The following VPS41 variants were observed in gnomAD, a reference collection of about 807,000 sequenced individuals.
The protein encoded by VPS41 is vacuolar protein sorting-associated protein 41 homolog.
VPS41 carries 85 observed loss-of-function variants against 130.9 expected under a neutral mutation model. The ratio of observed to expected loss-of-function variants is 0.65; its 90% CI spans 0.55 to 0.78. The LOEUF is 0.78. VPS41 is among the 30% of genes least tolerant of loss of function. The probability of loss-of-function intolerance (pLI) is 0.00; values close to 1 mark genes in which losing one functional copy is unlikely to be tolerated. For missense variants in VPS41, 874 were observed against 1,018.7 expected (o/e 0.86, Z 1.93); for synonymous variants, 335 against 332.9 (o/e 1.01, Z -0.07).
chr7:38,796,611 T>C, intron 8 of VPS41, 134 bp downstream of exon 8: 1 of 1,318,340 alleles, frequency 7.6e-7, no homozygotes, highest in Non-Finnish European at 1.1e-6. Flanking sequence ...CTAGGTATGA[T>C]ACCAATCGTC....
At chr7:38,759,751 C>T (rs1318753287) in intron 17 of VPS41, among the ~76,000 whole-genome samples, 1 of 152,140 alleles carries the variant, frequency 6.6e-6, no homozygotes, top group Non-Finnish European at 1.5e-5. Flanking sequence ...GCTTTAACAG[C>T]TTACAGATAT....
chr7:38,834,273 T>C (rs184127466), intron 4 of VPS41, among the ~76,000 whole-genome samples: 1 of 152,308 alleles, frequency 6.6e-6, no homozygotes, highest in African/African-American at 2.4e-5. Context: ...ACATGGAACA[T>C]TTCTCCATTT....
chr7:38,823,247 TCTTCTGC>T (rs1303465227), intron 5 of VPS41, among the ~76,000 whole-genome samples: 1 of 152,176 alleles, frequency 6.6e-6, no homozygotes, highest in African/African-American at 2.4e-5. Flanking sequence ...GTCCTTTTGC[TCTTCTGC>T]CTTCTGCCAC....
chr7:38,728,924 C>A (rs189091443), intron 25 of VPS41, 133 bp from the exon 26 acceptor site: 71 of 745,818 alleles, frequency 9.5e-5, no homozygotes, highest in Non-Finnish European at 1.2e-4. Context: ...GATTCTCTTG[C>A]CCTCAGTACC....
intron 10 of VPS41, among the ~76,000 whole-genome samples, chr7:38,779,775 T>C (rs1168681224): frequency 6.6e-6 from 1 of 152,234 alleles, no homozygotes; most frequent in South Asian, 2.1e-4. Flanking sequence ...ATTCTTCATA[T>C]AGATTTAGAG....
At chr7:38,757,315 T>C (rs1783816580) in intron 18 of VPS41, among the ~76,000 whole-genome samples, 1 of 152,170 alleles carries the variant, frequency 6.6e-6, no homozygotes, top group South Asian at 2.1e-4. Context: ...GAAGTTCTCA[T>C]TTTAGTAACA....
chr7:38,739,953 C>A (rs1028256778), intron 25 of VPS41, among the ~76,000 whole-genome samples: 2 of 152,120 alleles, frequency 1.3e-5, no homozygotes, highest in Non-Finnish European at 2.9e-5. Flanking sequence ...ATTTTTATTA[C>A]CAGCTGACTC....
Position 38,819,958 on chromosome 7 carries a change from C to T in VPS41, c.384+1245G>A, listed in dbSNP as rs527970400. 2.0e-5 allele frequency among the ~76,000 whole-genome samples: 3 copies of T among 152,220 alleles called. No homozygotes were observed. In the East Asian group the frequency reaches 5.8e-4, roughly 29 times the overall value. The stretch of plus-strand genomic sequence containing the variant: ...CCCATATTCATGTTTCTAAAACCTC[C>T]GTAACGTCCCCACCTGATGTACTAC... On this transcript the variant is annotated intron_variant, in intron 6 of 28. Transcript: ENST00000310301.
intron 13 of VPS41, among the ~76,000 whole-genome samples, chr7:38,771,639 TTGA>T (rs1307307870): frequency 6.6e-6 from 1 of 152,216 alleles, no homozygotes; most frequent in African/African-American, 2.4e-5. Flanking sequence ...TTATGACATA[TTGA>T]TAAAGGAGCA....
chr7:38,879,780 C>G (rs1786564052), intron 2 of VPS41, among the ~76,000 whole-genome samples: 1 of 151,962 alleles, frequency 6.6e-6, no homozygotes. Flanking sequence ...GGCGGTAATG[C>G]TCACTCCCCC....
chr7:38,870,738 TCA>T (rs1491121905), intron 2 of VPS41, among the ~76,000 whole-genome samples: 3 of 68,494 alleles, frequency 4.4e-5, no homozygotes, highest in Non-Finnish European at 6.8e-5. Context: ...GACTATATGT[TCA>T]AAAAAAAAAA....
At chr7:38,816,602 C>T (rs2159018) in intron 7 of VPS41, among the ~76,000 whole-genome samples, 108,582 of 152,092 alleles carry the variant, frequency 0.71, 40,414 homozygotes, top group African/African-American at 0.91. Flanking sequence ...AGTATAAAAA[C>T]AGTCTTTAAA....
chr7:38,741,915 C>G (rs1795887639), intron 25 of VPS41, 70 bp downstream of exon 25: 1 of 1,561,358 alleles, frequency 6.4e-7, no homozygotes, highest in African/African-American at 1.4e-5. Context: ...CTAACATAAA[C>G]CCTAGAAATA....
chr7:38,883,813 C>T (rs1206861073), intron 2 of VPS41, among the ~76,000 whole-genome samples: 2 of 152,022 alleles, frequency 1.3e-5, no homozygotes, highest in African/African-American at 4.8e-5. Context: ...AAAATCTTGC[C>T]CCCAGAAAGT....
intron 7 of VPS41, among the ~76,000 whole-genome samples, chr7:38,810,520 G>A (rs895649228): frequency 4.6e-5 from 7 of 151,976 alleles, no homozygotes; most frequent in East Asian, 1.9e-4. Context: ...ATGACTTCAC[G>A]AATATCTCAT....
intron 4 of VPS41, among the ~76,000 whole-genome samples, chr7:38,835,779 T>C (rs1198285614): frequency 6.6e-6 from 1 of 151,788 alleles, no homozygotes; most frequent in Non-Finnish European, 1.5e-5. Context: ...ACTCCAATTG[T>C]AGTTTTGTTC....
intron 22 of VPS41, 38 bp downstream of exon 22, chr7:38,752,138 T>G: frequency 2.5e-6 from 4 of 1,611,580 alleles, no homozygotes; most frequent in Non-Finnish European, 3.4e-6. Context: ...GACAACCTCT[T>G]CATCCAAAGT....
At chr7:38,750,036 T>C (rs2286091) in intron 22 of VPS41, among the ~76,000 whole-genome samples, 34,342 of 152,056 alleles carry the variant, frequency 0.23, 4,437 homozygotes, top group East Asian at 0.43. Flanking sequence ...TGGACTAATG[T>C]TTTTATTTTT....
intron 10 of VPS41, among the ~76,000 whole-genome samples, chr7:38,785,154 G>A (rs1784417902): frequency 6.6e-6 from 1 of 152,202 alleles, no homozygotes; most frequent in Non-Finnish European, 1.5e-5. Context: ...TCAACTGGAT[G>A]TAATACCCAC....
Sources: allele counts gnomAD v4.1 joint callset (sites outside exome capture counted in the v4.1 genomes callset), GRCh38; gene constraint gnomAD v4.1.1; transcripts MANE v1.5; gene names NCBI Gene and HGNC (gene_info 2026-07-23, HGNC 2026-07-21).